Variants in ARHGAP44 observed in about 807,000 individuals in gnomAD.
ARHGAP44 encodes the protein Rho GTPase activating protein 44.
A neutral mutation model predicts 106.8 loss-of-function variants in ARHGAP44; 43 were observed. That is an observed-to-expected ratio of 0.40 (90% CI 0.32 to 0.52). ARHGAP44 has a LOEUF of 0.52. Among genes scored for constraint, ARHGAP44 ranks in the 20% least tolerant of loss-of-function variants. The pLI is 0.48. For synonymous variants in ARHGAP44, 439 were observed against 410.3 expected (o/e 1.07, Z -0.85); for missense variants, 866 against 1,050.5 (o/e 0.82, Z 2.43).
At chr17:12,805,400 A>C (rs182324558) in intron 1 of ARHGAP44, among the ~76,000 whole-genome samples, 1 of 152,290 alleles carries the variant, frequency 6.6e-6, no homozygotes, top group East Asian at 1.9e-4. Flanking sequence ...TGCTCCTCTA[A>C]AAAGTCTCAA....
chr17:12,939,247 A>AT (rs931620766), intron 7 of ARHGAP44, among the ~76,000 whole-genome samples: 35 of 149,712 alleles, frequency 2.3e-4, no homozygotes, highest in Admixed American at 1.1e-3. Flanking sequence ...TTGAGCCTTG[A>AT]TTTTTTTTTT....
chr17:12,808,825 C>CT (rs1433935743), intron 1 of ARHGAP44, among the ~76,000 whole-genome samples: 2 of 152,172 alleles, frequency 1.3e-5, no homozygotes, highest in Non-Finnish European at 2.9e-5. Flanking sequence ...ATGTGTTTTT[C>CT]TTTTCTCTTG....
At chr17:12,835,358 A>G (rs777770078) in intron 1 of ARHGAP44, among the ~76,000 whole-genome samples, 5 of 152,220 alleles carry the variant, frequency 3.3e-5, no homozygotes, top group Non-Finnish European at 7.3e-5. Flanking sequence ...TTCAAACAAG[A>G]TGACTAATAA....
At chr17:12,968,777 T>TTC (rs2039455493) in intron 16 of ARHGAP44, among the ~76,000 whole-genome samples, 11 of 150,742 alleles carry the variant, frequency 7.3e-5, no homozygotes, top group Admixed American at 3.3e-4. Context: ...CTTTTCTTTT[T>TTC]TTTTTTTTTT....
At chr17:12,896,912 T>C (rs554551082) in intron 3 of ARHGAP44, among the ~76,000 whole-genome samples, 4 of 152,214 alleles carry the variant, frequency 2.6e-5, no homozygotes, top group African/African-American at 9.6e-5. Flanking sequence ...GGAAAAAAAG[T>C]GTATTGTGGT....
intron 1 of ARHGAP44, among the ~76,000 whole-genome samples, chr17:12,865,027 GAGA>G (rs936901378): frequency 9.2e-5 from 14 of 152,110 alleles, no homozygotes; most frequent in African/African-American, 3.1e-4. Flanking sequence ...AAGAGCTAGA[GAGA>G]AGAAGAATAA....
In ARHGAP44 at chr17:12,956,803, G is replaced by A. The variant is rs1040941378; in HGVS notation, c.1342+57G>A. The A allele has an allele frequency of 6.3e-5, 95 of 1,507,766 alleles. No homozygotes were observed. In the African/African-American group the frequency reaches 8.9e-4, roughly 14 times the overall value. The allele number at this position is 1,507,766 out of a possible 1,614,324, so 93.4% of individuals were successfully genotyped here. The stretch of plus-strand genomic sequence containing the variant: ...AGGCAGGGAACAGGAGTATCACTGC[G>A]AGTTCTGAGCCTTTGAAGCCAAGTA... On this transcript the variant is annotated intron_variant, in intron 15 of 20. Coordinates refer to ENST00000379672, the MANE Select transcript of ARHGAP44 (RefSeq NM_014859.6).
chr17:12,863,325 C>T (rs2036145313), intron 1 of ARHGAP44, among the ~76,000 whole-genome samples: 1 of 151,678 alleles, frequency 6.6e-6, no homozygotes, highest in East Asian at 1.9e-4. Context: ...TATTATATAC[C>T]ACATTTCTAA....
At chr17:12,875,830 G>C (rs2036539082) in intron 1 of ARHGAP44, among the ~76,000 whole-genome samples, 1 of 152,178 alleles carries the variant, frequency 6.6e-6, no homozygotes. Context: ...TGTAATCCCA[G>C]CTACTGGGGA....
At chr17:12,906,911 G>A (rs1180701364) in intron 3 of ARHGAP44, among the ~76,000 whole-genome samples, 2 of 151,982 alleles carry the variant, frequency 1.3e-5, no homozygotes, top group East Asian at 3.9e-4. Context: ...CTGTGCTCTA[G>A]CCTGGGAGAT....
chr17:12,905,947 G>A (rs1376093070), intron 3 of ARHGAP44, among the ~76,000 whole-genome samples: 2 of 152,168 alleles, frequency 1.3e-5, no homozygotes, highest in Non-Finnish European at 2.9e-5. Flanking sequence ...CTCAACCATG[G>A]CACTATTGCC....
intron 5 of ARHGAP44, among the ~76,000 whole-genome samples, chr17:12,916,814 C>T (rs1187343928): frequency 2.6e-5 from 4 of 152,176 alleles, no homozygotes; most frequent in African/African-American, 4.8e-5. Flanking sequence ...AAGCTTCTCA[C>T]GGGAGATAGG....
chr17:12,875,326 C>G (rs74966470), intron 1 of ARHGAP44, among the ~76,000 whole-genome samples: 6,362 of 152,262 alleles, frequency 0.042, 434 homozygotes, highest in African/African-American at 0.14. Flanking sequence ...GGCGTGGTGG[C>G]TCATGCTTAT....
chr17:12,914,998 T>C (rs192351641), intron 4 of ARHGAP44, among the ~76,000 whole-genome samples: 1 of 152,276 alleles, frequency 6.6e-6, no homozygotes, highest in East Asian at 1.9e-4. Flanking sequence ...AAAAGGCAGT[T>C]ACCTCTGCTC....
chr17:12,860,269 C>G (rs1597955799), intron 1 of ARHGAP44, among the ~76,000 whole-genome samples: 1 of 152,170 alleles, frequency 6.6e-6, no homozygotes, highest in South Asian at 2.1e-4. Context: ...TCCCTCCCCA[C>G]TTCAATTTAT....
chr17:12,941,164 G>A (rs950621971), intron 8 of ARHGAP44, 40 bp downstream of exon 8: 45 of 1,566,290 alleles, frequency 2.9e-5, no homozygotes, highest in Non-Finnish European at 3.4e-5. Context: ...AAGGCTGTTC[G>A]TAGGAGAAGG....
chr17:12,908,024 C>A (rs1274583615), intron 3 of ARHGAP44, among the ~76,000 whole-genome samples: 1 of 151,874 alleles, frequency 6.6e-6, no homozygotes, highest in East Asian at 1.9e-4. Flanking sequence ...AAAGTGAGGT[C>A]TTGATTGGGG....
At chr17:12,814,181 C>T (rs2034523746) in intron 1 of ARHGAP44, among the ~76,000 whole-genome samples, 1 of 151,354 alleles carries the variant, frequency 6.6e-6, no homozygotes, top group Non-Finnish European at 1.5e-5. Context: ...TGGTGGGGGG[C>T]CTGCCAGGTC....
intron 13 of ARHGAP44, among the ~76,000 whole-genome samples, chr17:12,955,123 G>T (rs953912412): frequency 5.9e-5 from 9 of 152,186 alleles, no homozygotes; most frequent in African/African-American, 1.2e-4. Flanking sequence ...GTGGCCTGTT[G>T]TGTCTGGCTT....
Sources: gnomAD v4.1 joint callset for allele counts (sites outside exome capture counted in the v4.1 genomes callset) on GRCh38, gnomAD v4.1.1 for gene constraint, MANE v1.5 for transcripts, NCBI Gene and HGNC (gene_info 2026-07-23, HGNC 2026-07-21) for gene names.